The following ANAPC10 variants were observed in gnomAD, a reference collection of about 807,000 sequenced individuals.
The protein encoded by ANAPC10 is anaphase promoting complex subunit 10.
ANAPC10 carries 12 observed loss-of-function variants against 22.0 expected under a neutral mutation model. That is an observed-to-expected ratio of 0.55 (90% CI 0.35 to 0.88). The LOEUF is 0.88. ANAPC10 is among the 40% of genes least tolerant of loss of function. The pLI is 0.01. For missense variants in ANAPC10, 188 were observed against 220.9 expected (o/e 0.85, Z 0.94); for synonymous variants, 65 against 69.5 (o/e 0.94, Z 0.32).
chr4:145,080,773 G>A (rs1157780248), intron 3 of ANAPC10, among the ~76,000 whole-genome samples: 1 of 151,968 alleles, frequency 6.6e-6, no homozygotes, highest in Non-Finnish European at 1.5e-5. Context: ...CGGGCGTGGT[G>A]GCGCATGCCT....
At chr4:145,050,724 C>T (rs908909585) in intron 4 of ANAPC10, among the ~76,000 whole-genome samples, 1 of 152,232 alleles carries the variant, frequency 6.6e-6, no homozygotes, top group Non-Finnish European at 1.5e-5. Flanking sequence ...TCACTGAAAC[C>T]TCATGAACCA....
intron 4 of ANAPC10, among the ~76,000 whole-genome samples, chr4:145,038,549 G>T (rs1323965375): frequency 6.6e-6 from 1 of 152,020 alleles, no homozygotes; most frequent in Non-Finnish European, 1.5e-5. Flanking sequence ...AGGCAGCCAG[G>T]CGCAATGGCT....
intron 4 of ANAPC10, among the ~76,000 whole-genome samples, chr4:145,016,219 C>G (rs575641149): frequency 6.6e-6 from 1 of 152,142 alleles, no homozygotes; most frequent in African/African-American, 2.4e-5. Context: ...ATTTAGAAAA[C>G]CCCACCGTCT....
At chr4:145,080,262 G>A (rs867474714) in intron 3 of ANAPC10, among the ~76,000 whole-genome samples, 12 of 152,078 alleles carry the variant, frequency 7.9e-5, no homozygotes, top group African/African-American at 2.9e-4. Flanking sequence ...TTACTACCTG[G>A]ATGACGAAAT....
intron 4 of ANAPC10, among the ~76,000 whole-genome samples, chr4:145,009,961 TAAAC>T (rs1734029643): frequency 1.3e-5 from 2 of 152,008 alleles, no homozygotes; most frequent in South Asian, 4.1e-4. Flanking sequence ...ACAAAGAACT[TAAAC>T]AAATTTACAA....
intron 4 of ANAPC10, among the ~76,000 whole-genome samples, chr4:145,045,892 T>C (rs897230803): frequency 2.0e-5 from 3 of 152,142 alleles, no homozygotes; most frequent in Non-Finnish European, 4.4e-5. Flanking sequence ...AACTTTTTCA[T>C]ACTGTAATTT....
chr4:145,021,421 G>C (rs1253202243), intron 4 of ANAPC10, among the ~76,000 whole-genome samples: 1 of 152,078 alleles, frequency 6.6e-6, no homozygotes, highest in African/African-American at 2.4e-5. Context: ...ACATAAAGTG[G>C]GGAAAGGACA....
chr4:145,048,834 T>C (rs977938845), intron 4 of ANAPC10, among the ~76,000 whole-genome samples: 2 of 152,192 alleles, frequency 1.3e-5, no homozygotes, highest in African/African-American at 4.8e-5. Flanking sequence ...TTATTTCTTA[T>C]GCAAGTTTTG....
At chr4:145,076,917 T>A (rs184202434) in intron 3 of ANAPC10, among the ~76,000 whole-genome samples, 1 of 152,226 alleles carries the variant, frequency 6.6e-6, no homozygotes, top group East Asian at 1.9e-4. Flanking sequence ...AAAAAAGAAT[T>A]TGCCAGGCGT....
intron 4 of ANAPC10, among the ~76,000 whole-genome samples, chr4:145,001,736 G>T (rs1351269068): frequency 6.6e-6 from 1 of 152,026 alleles, no homozygotes; most frequent in South Asian, 2.1e-4. Context: ...GTGTAAACAG[G>T]ATCCATTAGA....
chr4:145,017,489 T>C (rs1176727051), intron 4 of ANAPC10, among the ~76,000 whole-genome samples: 2 of 152,184 alleles, frequency 1.3e-5, no homozygotes, highest in Non-Finnish European at 2.9e-5. Context: ...GGAGAGGATG[T>C]GGAGAAATAG....
At chr4:145,011,933 G>A (rs1273561077) in intron 4 of ANAPC10, among the ~76,000 whole-genome samples, 1 of 152,104 alleles carries the variant, frequency 6.6e-6, no homozygotes, top group East Asian at 1.9e-4. Context: ...TGAAAGCCTT[G>A]AGGGGCTAGG....
At chr4:145,024,253 T>C (rs566474840) in intron 4 of ANAPC10, among the ~76,000 whole-genome samples, 2 of 152,214 alleles carry the variant, frequency 1.3e-5, no homozygotes, top group Admixed American at 1.3e-4. Flanking sequence ...CAATGCAGAC[T>C]GGAATCAACT....
At chr4:145,030,089 G>A (rs902818506) in intron 4 of ANAPC10, among the ~76,000 whole-genome samples, 11 of 152,172 alleles carry the variant, frequency 7.2e-5, no homozygotes, top group African/African-American at 2.2e-4. Context: ...AATCAGAATA[G>A]TCTGACTTGT....
In ANAPC10 at chr4:144,995,255, T is replaced by G; in HGVS notation, c.*118A>C. ...TTTGTCAAAGTTACAATAAAATATT[T>G]TTAAACATATACAAAATTAGATATA... On this transcript the variant is annotated 3_prime_UTR_variant, in exon 5 of 5. Transcript: ENST00000507656. 1.8e-6 allele frequency: 1 copy of G among 553,568 alleles called. No homozygotes were observed. 34.3% of individuals were successfully genotyped at this position (553,568 alleles called of 1,614,324 possible).
intron 4 of ANAPC10, among the ~76,000 whole-genome samples, chr4:145,022,610 C>T (rs1264847445): frequency 6.6e-6 from 1 of 151,884 alleles, no homozygotes; most frequent in East Asian, 1.9e-4. Context: ...AAAGAACTTA[C>T]ACATGTAACT....
rs541377601 is a variant in ANAPC10, at chr4:145,088,360, C to T, written c.116-6610G>A. Among the ~76,000 whole-genome samples the T allele has an allele frequency of 7.2e-5, 11 of 152,234 alleles. No homozygotes were observed. The South Asian group carries it at 8.3e-4, about 11-fold the overall frequency. The stretch of plus-strand genomic sequence containing the variant: ...CAGAACTTCAAGCAGAGCTCCCAGC[C>T]TCTACAGTCAATTGCTTACTAAACA... On this transcript the variant is annotated intron_variant, in intron 2 of 4. Transcript: ENST00000507656.
chr4:145,014,900 C>T (rs1734868149), intron 4 of ANAPC10, among the ~76,000 whole-genome samples: 1 of 152,118 alleles, frequency 6.6e-6, no homozygotes, highest in Non-Finnish European at 1.5e-5. Context: ...AGTGCTACAT[C>T]AAGGGAACAG....
intron 3 of ANAPC10, among the ~76,000 whole-genome samples, chr4:145,081,088 T>C (rs577406546): frequency 5.1e-4 from 78 of 152,042 alleles, no homozygotes; most frequent in African/African-American, 1.8e-3. Context: ...TTGGCCAACA[T>C]AGCGGCCAAC....
Sources: allele counts gnomAD v4.1 joint callset (sites outside exome capture counted in the v4.1 genomes callset), GRCh38; gene constraint gnomAD v4.1.1; transcripts MANE v1.5; gene names NCBI Gene and HGNC (gene_info 2026-07-23, HGNC 2026-07-21).